The following KCTD1 variants were observed in gnomAD, a reference collection of about 807,000 sequenced individuals.
KCTD1 encodes BTB/POZ domain-containing protein KCTD1.
KCTD1 carries 24 observed loss-of-function variants against 66.0 expected under a neutral mutation model. That is an observed-to-expected ratio of 0.36 (90% confidence interval 0.26 to 0.51). The LOEUF is 0.51. Among genes scored for constraint, KCTD1 ranks in the 20% least tolerant of loss-of-function variants. The pLI is 0.95. For synonymous variants in KCTD1, 511 were observed against 517.2 expected, an observed-to-expected ratio of 0.99 and a Z score of 0.16; for missense variants, 943 against 1,205.2, an observed-to-expected ratio of 0.78 and a Z score of 3.22.
At chr18:26,537,106 A>G (rs1221025893) in intron 1 of KCTD1, among the ~76,000 whole-genome samples, 1 of 152,180 alleles carries the variant, frequency 6.6e-6, no homozygotes, top group African/African-American at 2.4e-5. Context: ...CAGCTTTCTA[A>G]TGTTCTTGTT....
intron 1 of KCTD1, among the ~76,000 whole-genome samples, chr18:26,621,013 T>C (rs1987371641): frequency 6.6e-6 from 1 of 151,958 alleles, no homozygotes; most frequent in Admixed American, 6.6e-5. Flanking sequence ...TTTTGTATTT[T>C]TAATAGAGAC....
chr18:26,654,982 C>T (rs1329729950), intron 1 of KCTD1, among the ~76,000 whole-genome samples: 1 of 152,194 alleles, frequency 6.6e-6, no homozygotes, highest in Non-Finnish European at 1.5e-5. Context: ...CGGCACACTG[C>T]CCATTATCCA....
chr18:26,547,455 G>T lies in KCTD1; in HGVS notation c.1082C>A (p.Ser361Ter). 1 of 1,551,460 alleles carries T rather than the reference G, an allele frequency of 6.4e-7. No individual in the cohort carries two copies. Among genetic ancestry groups the T allele is most frequent in the Non-Finnish European group, 8.7e-7 (1 of 1,146,948 alleles). ...GCTCTCGGCGCGCTTCTTGCTCCAC[G>T]ACGACGAGCGCGACTTGTGGTAGGG... ...LGPYHKSRSS[S>*]WSKKRAESSD... The change falls in exon 1 of 5, where the codon TCG (serine) becomes TAG (stop). Residue 361 changes from serine to a stop codon, truncating the protein, a stop_gained. Transcript: ENST00000580059. LOFTEE classifies it high-confidence loss of function.
intron 1 of KCTD1, among the ~76,000 whole-genome samples, chr18:26,583,393 C>CAAA (rs55720907): frequency 3.9e-4 from 33 of 83,770 alleles, no homozygotes; most frequent in Non-Finnish European, 5.9e-4. Context: ...GACTTTGTCT[C>CAAA]AAAAAAAAAA....
chr18:26,571,186 T>C lies in KCTD1; in HGVS notation c.-16+57961A>G, dbSNP rs144086491. ...AGGGTGGAGACCGAGTATCCATTCATTTCTGCATTAACAGAATGTCCCTTG... is the reference window on the plus strand; with the variant it reads ...AGGGTGGAGACCGAGTATCCATTCACTTCTGCATTAACAGAATGTCCCTTG... On this transcript the variant is annotated intron_variant, in intron 1 of 4. Transcript: ENST00000317932. Among the ~76,000 whole-genome samples the C allele has an allele frequency of 2.3e-3, 352 of 152,350 alleles. 2 individuals carry two copies. Among genetic ancestry groups the C allele is most frequent in the African/African-American group, 8.0e-3 (331 of 41,568 alleles).
chr18:26,489,846 T>C (rs542003504), intron 2 of KCTD1, among the ~76,000 whole-genome samples: 1 of 152,326 alleles, frequency 6.6e-6, no homozygotes, highest in Admixed American at 6.5e-5. Context: ...AAGTGGAGCA[T>C]ATTTGTCACA....
rs1985238903 is a variant in KCTD1, at chr18:26,546,733, T to G, written c.1804A>C (p.Thr602Pro). 6.5e-7 allele frequency: 1 copy of G among 1,546,204 alleles called. No homozygotes were observed. The highest frequency in any genetic ancestry group is 2.0e-5 in the Admixed American group (1 of 49,962). ...ATAGAGTTTGGTTTGGTTACCTGGG[T>G]GGGGGAAACAATAGCAGGTGAAACT... ...TIVSPAIVSP[T>P]QDSRPNMSRP... Residue 602 changes from threonine to proline, a missense_variant, in exon 1 of 5, where the codon ACC (threonine) becomes CCC (proline). Thr to Pro is a conservative substitution (Grantham distance 38). Transcript: ENST00000580059.
intron 1 of KCTD1, among the ~76,000 whole-genome samples, chr18:26,626,688 T>C (rs1351388840): frequency 6.6e-6 from 1 of 152,098 alleles, no homozygotes; most frequent in Non-Finnish European, 1.5e-5. Context: ...TTGCCTAGGC[T>C]GGTTTTGAAT....
At chr18:26,648,464 C>G (rs1300992652) in intron 1 of KCTD1, among the ~76,000 whole-genome samples, 4 of 152,138 alleles carry the variant, frequency 2.6e-5, no homozygotes, top group Non-Finnish European at 1.5e-5. Flanking sequence ...GATTGCAGTC[C>G]TCATTAATTT....
At chr18:26,637,870 GGTT>G (rs1336008402) in intron 1 of KCTD1, among the ~76,000 whole-genome samples, 1 of 152,198 alleles carries the variant, frequency 6.6e-6, no homozygotes, top group Non-Finnish European at 1.5e-5. Context: ...TTTCCTCAAA[GGTT>G]GTTGTGAGAA....
At chr18:26,630,586 T>C (rs544060925), upstream of KCTD1, among the ~76,000 whole-genome samples, 4 of 152,182 alleles carry the variant, frequency 2.6e-5, no homozygotes, top group Non-Finnish European at 5.9e-5. Flanking sequence ...CCTCCCACCA[T>C]GGCCTCCCAA....
chr18:26,594,518 C>T (rs1016929282), intron 1 of KCTD1, among the ~76,000 whole-genome samples: 1 of 152,054 alleles, frequency 6.6e-6, no homozygotes, highest in African/African-American at 2.4e-5. Flanking sequence ...GAAATTAAGA[C>T]AAAAATCACA....
Position 26,547,172 on chromosome 18 carries a change from G to A in KCTD1, c.1365C>T (p.Ala455=). 6.4e-7 allele frequency: 1 copy of A among 1,551,184 alleles called. No individual in the cohort carries two copies. The highest frequency in any genetic ancestry group is 8.7e-7 in the Non-Finnish European group (1 of 1,146,984). The change falls in exon 1 of 5, where the codon GCC becomes GCT. Residue 455 remains alanine, a synonymous_variant. Transcript: ENST00000580059. ...TGCTGTTGAGCGTGGCGATGGAGAC[G>A]GCGCCGATGCAGTGGTTGGTGTAGG... ...SKTYTNHCIG[A]VSIATLNSIA...
chr18:26,602,091 T>G (rs1306501340), intron 1 of KCTD1, among the ~76,000 whole-genome samples: 1 of 152,182 alleles, frequency 6.6e-6, no homozygotes, highest in Non-Finnish European at 1.5e-5. Flanking sequence ...AAATGGCTAG[T>G]CTTTCACAAT....
intron 1 of KCTD1, among the ~76,000 whole-genome samples, chr18:26,507,693 A>C (rs546960615): frequency 6.6e-6 from 1 of 151,842 alleles, no homozygotes; most frequent in South Asian, 2.1e-4. Flanking sequence ...TTCTTTACTG[A>C]CACTATACTT....
intron 1 of KCTD1, among the ~76,000 whole-genome samples, chr18:26,556,034 G>GAAA: frequency 6.6e-6 from 1 of 151,354 alleles, no homozygotes; most frequent in South Asian, 2.1e-4. Flanking sequence ...AACTAAAAAA[G>GAAA]AAAAAAAAAT....
intron 2 of KCTD1, among the ~76,000 whole-genome samples, chr18:26,485,670 T>A (rs1981878705): frequency 6.6e-6 from 1 of 152,056 alleles, no homozygotes; most frequent in African/African-American, 2.4e-5. Flanking sequence ...CTGTTTAGGT[T>A]TTCCCTTGCT....
chr18:26,537,914 C>T (rs1463877310), intron 1 of KCTD1, among the ~76,000 whole-genome samples: 1 of 152,206 alleles, frequency 6.6e-6, no homozygotes, highest in Non-Finnish European at 1.5e-5. Context: ...TTATGCCCAT[C>T]AGTGGGCTGC....
In KCTD1 at chr18:26,468,771, C is replaced by T. The variant is rs1250030294; in HGVS notation, c.2133+7744G>A. Among the ~76,000 whole-genome samples the T allele has an allele frequency of 3.3e-5, 5 of 152,208 alleles. No individual in the cohort carries two copies. The highest frequency in any genetic ancestry group is 3.4e-3 in the Middle Eastern group (1 of 294). On this transcript the variant is annotated intron_variant, in intron 3 of 4. Transcript: ENST00000580059. This position sits in a 1 kb window ranked among gnomAD's most constrained non-coding sequence, Gnocchi z 4.8. ...CTGAGGAAAGAGAACTGCTTGAACC[C>T]GGGAGGCGGAGGTTGCAGTGAGCCG...
Sources: gnomAD v4.1 joint callset for allele counts (sites outside exome capture counted in the v4.1 genomes callset) on GRCh38, gnomAD v4.1.1 for gene constraint, Gnocchi (gnomAD v3.1) non-coding constraint, MANE v1.5 for transcripts, NCBI Gene and HGNC (gene_info 2026-07-23, HGNC 2026-07-21) for gene names.